The following KCNIP4 variants were observed in gnomAD, a reference collection of about 807,000 sequenced individuals.
The protein encoded by KCNIP4 is Kv channel-interacting protein 4.
Under a neutral mutation model 34.0 loss-of-function variants are expected in KCNIP4, and 12 were observed. The observed-to-expected ratio is 0.35, with a 90% confidence interval of 0.23 to 0.57. KCNIP4 has a LOEUF of 0.57. Among genes scored for constraint, KCNIP4 ranks in the 20% least tolerant of loss-of-function variants. KCNIP4 has a pLI of 0.83. For missense variants in KCNIP4, 238 were observed against 311.7 expected, an observed-to-expected ratio of 0.76 and a Z score of 1.78; for synonymous variants, 124 against 102.2, an observed-to-expected ratio of 1.21 and a Z score of -1.29.
At chr4:21,785,139 T>A (rs919983625) in intron 1 of KCNIP4, among the ~76,000 whole-genome samples, 1 of 152,188 alleles carries the variant, frequency 6.6e-6, no homozygotes, top group African/African-American at 2.4e-5. Flanking sequence ...CACTCAGACC[T>A]CATCCCCCGA....
intron 1 of KCNIP4, among the ~76,000 whole-genome samples, chr4:21,750,481 G>C (rs1245769294): frequency 1.3e-5 from 2 of 152,044 alleles, no homozygotes; most frequent in African/African-American, 4.8e-5. Context: ...TCTGATGCTA[G>C]GTTGGGAATG....
intron 1 of KCNIP4, among the ~76,000 whole-genome samples, chr4:20,919,863 T>C (rs1430371367): frequency 2.6e-5 from 4 of 152,186 alleles, no homozygotes; most frequent in Admixed American, 2.0e-4. Flanking sequence ...CATCAAACTT[T>C]AGTGGAACTG....
At chr4:21,942,826 A>C (rs1730278807) in intron 1 of KCNIP4, among the ~76,000 whole-genome samples, 2 of 152,098 alleles carry the variant, frequency 1.3e-5, no homozygotes, top group South Asian at 4.1e-4. Flanking sequence ...GGTGCGATCT[A>C]GGCTCACTGC....
chr4:21,728,416 C>A (rs12513185), intron 1 of KCNIP4, among the ~76,000 whole-genome samples: 3 of 152,002 alleles, frequency 2.0e-5, no homozygotes, highest in Admixed American at 6.6e-5. Context: ...ACTGCCACCC[C>A]AGAACTGCAG....
intron 1 of KCNIP4, among the ~76,000 whole-genome samples, chr4:21,930,946 G>C (rs997122199): frequency 1.3e-5 from 2 of 152,150 alleles, no homozygotes; most frequent in Non-Finnish European, 1.5e-5. Flanking sequence ...ACCATCAGCA[G>C]ACCCTGTTCT....
chr4:21,851,485 C>T (rs1724392950), intron 1 of KCNIP4: 2 of 152,122 alleles, frequency 1.3e-5, no homozygotes, highest in South Asian at 2.1e-4. Flanking sequence ...GTGATGGTCA[C>T]TCTAAAAGCC....
intron 1 of KCNIP4, among the ~76,000 whole-genome samples, chr4:21,606,571 G>C (rs775239685): frequency 2.6e-4 from 40 of 151,964 alleles, no homozygotes; most frequent in Admixed American, 6.6e-5. Flanking sequence ...TTTCTGTGCT[G>C]TTTTGTTTGT....
intron 1 of KCNIP4, among the ~76,000 whole-genome samples, chr4:21,252,050 A>G (rs1445237383): frequency 1.3e-5 from 2 of 151,738 alleles, no homozygotes; most frequent in African/African-American, 4.8e-5. Context: ...GAAAAAAAAC[A>G]TAACTGAGAT....
chr4:21,445,776 A>T (rs1267379902), intron 1 of KCNIP4, among the ~76,000 whole-genome samples: 1 of 152,208 alleles, frequency 6.6e-6, no homozygotes, highest in Non-Finnish European at 1.5e-5. Flanking sequence ...GACAAATGGG[A>T]TCTAATTAAA....
chr4:21,822,125 T>C (rs1722389738), intron 1 of KCNIP4, among the ~76,000 whole-genome samples: 1 of 152,190 alleles, frequency 6.6e-6, no homozygotes, highest in Non-Finnish European at 1.5e-5. Context: ...GATTTCTACC[T>C]GGCATCCTAG....
chr4:21,216,891 G>T (rs929576552), intron 1 of KCNIP4, among the ~76,000 whole-genome samples: 3 of 152,176 alleles, frequency 2.0e-5, no homozygotes, highest in Admixed American at 6.5e-5. Context: ...CGGTAAAAGG[G>T]AGATAGGAAC....
chr4:20,819,291 G>A (rs547247168), intron 3 of KCNIP4, among the ~76,000 whole-genome samples: 100 of 152,210 alleles, frequency 6.6e-4, no homozygotes, highest in Non-Finnish European at 1.0e-3. Flanking sequence ...ACTATATTAT[G>A]CTGATCTACT....
chr4:21,331,999 T>C (rs1715687278), intron 1 of KCNIP4, among the ~76,000 whole-genome samples: 1 of 152,102 alleles, frequency 6.6e-6, no homozygotes, highest in South Asian at 2.1e-4. Context: ...AGAGCATCTA[T>C]GTGTACAAAA....
intron 1 of KCNIP4, among the ~76,000 whole-genome samples, chr4:21,475,115 A>G (rs1245895560): frequency 6.6e-6 from 1 of 152,056 alleles, no homozygotes; most frequent in East Asian, 1.9e-4. Flanking sequence ...GTTTTTGTTC[A>G]TACTCTCTCC....
intron 3 of KCNIP4, among the ~76,000 whole-genome samples, chr4:20,761,129 T>C (rs1203617937): frequency 6.6e-6 from 1 of 152,152 alleles, no homozygotes; most frequent in Non-Finnish European, 1.5e-5. Flanking sequence ...AGAAAGAGTG[T>C]TCTTCAGACA....
At chr4:21,052,611 T>C (rs1743026563) in intron 1 of KCNIP4, among the ~76,000 whole-genome samples, 1 of 152,194 alleles carries the variant, frequency 6.6e-6, no homozygotes, top group Non-Finnish European at 1.5e-5. Flanking sequence ...AAAGTCACCA[T>C]GGAATCTCTT....
At chr4:20,994,302 T>A (rs1737345560) in intron 1 of KCNIP4, among the ~76,000 whole-genome samples, 1 of 152,170 alleles carries the variant, frequency 6.6e-6, no homozygotes, top group African/African-American at 2.4e-5. Flanking sequence ...TAACATAAAC[T>A]GAAGCTCACG....
chr4:20,915,062 A>G (rs1389339688), intron 1 of KCNIP4, among the ~76,000 whole-genome samples: 2 of 152,208 alleles, frequency 1.3e-5, no homozygotes, highest in African/African-American at 4.8e-5. Context: ...TGTGTTCCCT[A>G]TCCTGAAGTT....
Position 20,803,933 on chromosome 4 carries a change from A to C in KCNIP4, c.289-45043T>G, listed in dbSNP as rs1485098845. 2.0e-5 allele frequency among the ~76,000 whole-genome samples: 3 copies of C among 152,130 alleles called. No individual in the cohort carries two copies. In the East Asian group the frequency reaches 5.8e-4, roughly 29 times the overall value. ...GAGTCTGCCATTTTCTAGCTGTGTG[A>C]CTCTAAGCAAGTTATTTAATATCTA... On this transcript the variant is annotated intron_variant, in intron 3 of 8. Transcript: ENST00000382152.
Sources: allele counts gnomAD v4.1 joint callset (sites outside exome capture counted in the v4.1 genomes callset), GRCh38; gene constraint gnomAD v4.1.1; transcripts MANE v1.5; gene names NCBI Gene and HGNC (gene_info 2026-07-23, HGNC 2026-07-21).